PRSS23: variants seen among roughly 807,000 people sequenced by gnomAD.
The protein encoded by PRSS23 is protease, serine 23.
In PRSS23, 25 loss-of-function variants were observed where a neutral mutation model predicts 34.7. The ratio of observed to expected loss-of-function variants is 0.72; its 90% CI spans 0.53 to 1.01. The LOEUF (loss-of-function observed/expected upper bound fraction) is 1.01. Among genes scored for constraint, PRSS23 ranks in the 50% least tolerant of loss-of-function variants. The probability of loss-of-function intolerance (pLI) is 0.00; values close to 1 mark genes in which losing one functional copy is unlikely to be tolerated. For missense variants in PRSS23, 445 were observed against 475.6 expected (o/e 0.94, Z 0.60); for synonymous variants, 176 against 186.6 (o/e 0.94, Z 0.46).
chr11:86,943,890 CGT>C (rs920859909), intron 2 of PRSS23, among the ~76,000 whole-genome samples: 13 of 151,800 alleles, frequency 8.6e-5, no homozygotes, highest in African/African-American at 3.1e-4. Flanking sequence ...ACTACAGGCG[CGT>C]GTCACACCTG....
intron 2 of PRSS23, among the ~76,000 whole-genome samples, chr11:86,912,965 A>G (rs963866334): frequency 1.3e-5 from 2 of 152,156 alleles, no homozygotes; most frequent in Non-Finnish European, 2.9e-5. Flanking sequence ...TTCAATCTCT[A>G]TCTCTCACTA....
chr11:86,915,133 A>G (rs113616620), intron 2 of PRSS23, among the ~76,000 whole-genome samples: 2 of 152,110 alleles, frequency 1.3e-5, no homozygotes, highest in African/African-American at 4.8e-5. Context: ...TTAATTGGAA[A>G]ACCCGAATTT....
At chr11:86,793,346 T>G (rs972608637) in intron 1 of PRSS23, among the ~76,000 whole-genome samples, 1 of 152,210 alleles carries the variant, frequency 6.6e-6, no homozygotes, top group Non-Finnish European at 1.5e-5. Flanking sequence ...AATAGCATTC[T>G]TTAATCCTGG....
intron 2 of PRSS23, among the ~76,000 whole-genome samples, chr11:86,859,972 C>G (rs117914221): frequency 2.0e-5 from 3 of 151,990 alleles, no homozygotes; most frequent in East Asian, 3.9e-4. Flanking sequence ...AATATTAATT[C>G]CAATATCGCT....
chr11:86,886,640 C>T lies in PRSS23; in HGVS notation c.206+63047C>T, dbSNP rs908696441. On this transcript the variant is annotated intron_variant, in intron 2 of 2. Coordinates refer to the PRSS23 transcript ENST00000533902. ...TTATGAAGATTAAATGTAATAGTCC[C>T]CATAAAGTGGACTTGCAGCCAGGTG... Among the ~76,000 whole-genome samples the T allele has an allele frequency of 5.3e-5, 8 of 152,280 alleles. No homozygotes were observed. In the South Asian group the frequency reaches 1.2e-3, roughly 24 times the overall value.
intron 2 of PRSS23, among the ~76,000 whole-genome samples, chr11:86,925,224 G>C (rs886524960): frequency 1.4e-5 from 2 of 143,772 alleles, no homozygotes; most frequent in Non-Finnish European, 3.1e-5. Flanking sequence ...GGACTGAAAA[G>C]TGATTTATGT....
Position 86,870,270 on chromosome 11 carries a change from A to G in PRSS23, c.206+46677A>G, listed in dbSNP as rs572039824. On this transcript the variant is annotated intron_variant, in intron 2 of 2. Coordinates refer to the PRSS23 transcript ENST00000533902. ...TTTTAAGGGAGGGGAAAAAACAACA[A>G]CAAAACCTACCAGAGCTGAAAGTCT... Among the ~76,000 whole-genome samples, 4 of 151,234 alleles carry G rather than the reference A, an allele frequency of 2.6e-5. No homozygotes were observed. In the East Asian group the frequency reaches 7.8e-4, roughly 30 times the overall value.
chr11:86,862,112 G>C (rs750816025), intron 2 of PRSS23, among the ~76,000 whole-genome samples: 4 of 151,886 alleles, frequency 2.6e-5, no homozygotes, highest in Non-Finnish European at 5.9e-5. Flanking sequence ...TACACCCCTT[G>C]TGATATTGCT....
intron 2 of PRSS23, chr11:86,937,561 C>T (rs1194288292): frequency 6.6e-6 from 1 of 152,174 alleles, no homozygotes; most frequent in Non-Finnish European, 1.5e-5. Context: ...TGAAGCCCAC[C>T]AAAACCAAGA....
rs187809177 is a variant in PRSS23, at chr11:86,915,866, C to T, written c.207-35350C>T. Among the ~76,000 whole-genome samples, 133 of 152,098 alleles carry T rather than the reference C, an allele frequency of 8.7e-4. 1 individual carries two copies. Among genetic ancestry groups the T allele is most frequent in the Middle Eastern group, 3.4e-3 (1 of 294 alleles). On this transcript the variant is annotated intron_variant, in intron 2 of 2. Coordinates refer to the PRSS23 transcript ENST00000533902. ...AGGAGTTCAAGACCAGCCTGCCCAA[C>T]ATGGTGAAACCCTGTCTCTACTAAA... is the stretch of plus-strand genomic sequence containing the variant.
At chr11:86,886,726 G>A (rs1948804819) in intron 2 of PRSS23, among the ~76,000 whole-genome samples, 1 of 152,102 alleles carries the variant, frequency 6.6e-6, no homozygotes. Flanking sequence ...ATCACTTGAG[G>A]TCAAAAGTTT....
At chr11:86,906,788 C>T (rs750934056) in intron 2 of PRSS23, among the ~76,000 whole-genome samples, 2 of 152,102 alleles carry the variant, frequency 1.3e-5, no homozygotes, top group African/African-American at 4.8e-5. Flanking sequence ...GCCCTGTGAA[C>T]ATTTTAGGTA....
intron 2 of PRSS23, among the ~76,000 whole-genome samples, chr11:86,873,447 T>G (rs1948700787): frequency 6.6e-6 from 1 of 151,476 alleles, no homozygotes; most frequent in Non-Finnish European, 1.5e-5. Context: ...CCCAGCTCAT[T>G]TGTGTGTGTG....
At chr11:86,829,756 C>A (rs1324543487) in intron 2 of PRSS23, among the ~76,000 whole-genome samples, 1 of 152,250 alleles carries the variant, frequency 6.6e-6, no homozygotes, top group African/African-American at 2.4e-5. Flanking sequence ...AGGTCCACTG[C>A]AGACCCTGTT....
intron 2 of PRSS23, chr11:86,939,115 C>A (rs1414345467): frequency 2.5e-6 from 1 of 401,340 alleles, no homozygotes; most frequent in Admixed American, 3.3e-5. Context: ...AAGAGAACAT[C>A]GCCAGAAACA....
intron 2 of PRSS23, among the ~76,000 whole-genome samples, chr11:86,832,088 C>G (rs1399293825): frequency 6.6e-6 from 1 of 151,952 alleles, no homozygotes; most frequent in Non-Finnish European, 1.5e-5. Flanking sequence ...TATGTACACC[C>G]CCTGTGATAT....
At chr11:86,832,385 T>C (rs141482534) in intron 2 of PRSS23, among the ~76,000 whole-genome samples, 19 of 152,324 alleles carry the variant, frequency 1.2e-4, no homozygotes, top group African/African-American at 4.1e-4. Flanking sequence ...CACTCTGTGA[T>C]AGTATTTTTC....
intron 2 of PRSS23, among the ~76,000 whole-genome samples, chr11:86,844,536 T>A (rs1043413295): frequency 6.6e-6 from 1 of 152,140 alleles, no homozygotes; most frequent in Non-Finnish European, 1.5e-5. Flanking sequence ...TTTTTTTGAG[T>A]CTGGAGTAAT....
intron 2 of PRSS23, among the ~76,000 whole-genome samples, chr11:86,895,811 A>G (rs1355328530): frequency 6.6e-6 from 1 of 152,170 alleles, no homozygotes; most frequent in Non-Finnish European, 1.5e-5. Flanking sequence ...GGTGTTTTGC[A>G]CTATTGTGTA....
Sources: allele counts gnomAD v4.1 joint callset (sites outside exome capture counted in the v4.1 genomes callset), GRCh38; gene constraint gnomAD v4.1.1; transcripts MANE v1.5; gene names NCBI Gene and HGNC (gene_info 2026-07-23, HGNC 2026-07-21).